DOCK8: variants seen among roughly 807,000 people sequenced by gnomAD.
DOCK8 encodes dedicator of cytokinesis protein 8.
In DOCK8, 141 loss-of-function variants were observed where a neutral mutation model predicts 245.6. The ratio of observed to expected loss-of-function variants is 0.57; its 90% CI spans 0.50 to 0.66. The LOEUF (loss-of-function observed/expected upper bound fraction) is 0.66, where lower values mean the gene tolerates loss of function less well. Ranked by LOEUF, DOCK8 falls within the 30% of genes least tolerant of loss-of-function variation. The pLI, the probability that DOCK8 is intolerant of heterozygous loss-of-function variation, is 0.00. For missense variants in DOCK8, 2,965 were observed against 2,603.4 expected (o/e 1.14, Z -3.02); for synonymous variants, 1,168 against 970.2 (o/e 1.20, Z -3.79).
At chr9:328,734 T>C (rs892889826) in intron 9 of DOCK8, among the ~76,000 whole-genome samples, 2 of 152,088 alleles carry the variant, frequency 1.3e-5, no homozygotes, top group East Asian at 1.9e-4. Flanking sequence ...CTTTTTTTTT[T>C]TTCTTCTTAC....
At chr9:364,935 T>C (rs1469559490) in intron 14 of DOCK8, among the ~76,000 whole-genome samples, 1 of 152,168 alleles carries the variant, frequency 6.6e-6, no homozygotes, top group Non-Finnish European at 1.5e-5. Flanking sequence ...ATATGACACA[T>C]GAGCTCAACC....
chr9:336,774 G>C, intron 12 of DOCK8, 56 bp downstream of exon 12: 1 of 1,604,460 alleles, frequency 6.2e-7, no homozygotes, highest in Non-Finnish European at 8.5e-7. Flanking sequence ...CATGGGCACT[G>C]GAACCCACAG....
chr9:256,937 C>G (rs1170981020), intron 1 of DOCK8, among the ~76,000 whole-genome samples: 1 of 152,178 alleles, frequency 6.6e-6, no homozygotes, highest in Non-Finnish European at 1.5e-5. Flanking sequence ...TTCTACTGTT[C>G]TCAACTAAGA....
At chr9:340,126 C>G in intron 13 of DOCK8, 33 bp from the exon 14 acceptor site, 1 of 1,609,268 alleles carries the variant, frequency 6.2e-7, no homozygotes. Flanking sequence ...ATGACAGTTT[C>G]TTTACTAGAA....
intron 1 of DOCK8, among the ~76,000 whole-genome samples, chr9:265,716 G>C (rs549509151): frequency 6.6e-6 from 1 of 152,272 alleles, no homozygotes; most frequent in East Asian, 1.9e-4. Flanking sequence ...AAAAGCCAGG[G>C]AGAAGCCTTC....
At chr9:406,131 T>G (rs1564024457) in intron 27 of DOCK8, among the ~76,000 whole-genome samples, 1 of 152,170 alleles carries the variant, frequency 6.6e-6, no homozygotes. Context: ...AATCTAATAC[T>G]TCCCTCCCTG....
chr9:346,041 G>A (rs1009347884), intron 14 of DOCK8, among the ~76,000 whole-genome samples: 5 of 152,142 alleles, frequency 3.3e-5, no homozygotes, highest in South Asian at 2.1e-4. Flanking sequence ...AGTGCCATGT[G>A]CAGCCTCTGT....
chr9:364,863 G>A (rs2052903591), intron 14 of DOCK8, among the ~76,000 whole-genome samples: 1 of 152,144 alleles, frequency 6.6e-6, no homozygotes, highest in African/African-American at 2.4e-5. Context: ...TTATGAAAGA[G>A]GGAGTGTGTG....
At chr9:339,609 G>A (rs932827132) in intron 13 of DOCK8, among the ~76,000 whole-genome samples, 1 of 152,158 alleles carries the variant, frequency 6.6e-6, no homozygotes, top group Non-Finnish European at 1.5e-5. Flanking sequence ...CTGCCTTCCA[G>A]GTTCAAGTGA....
At chr9:215,627 A>G (rs2046732863) in intron 1 of DOCK8, 1 of 491,352 alleles carries the variant, frequency 2.0e-6, no homozygotes, top group Non-Finnish European at 3.4e-6. Flanking sequence ...AAAAATCTAC[A>G]CTTAAATAAA....
At chr9:397,740 C>T (rs1054337747) in intron 25 of DOCK8, among the ~76,000 whole-genome samples, 1 of 152,068 alleles carries the variant, frequency 6.6e-6, no homozygotes, top group African/African-American at 2.4e-5. Context: ...AGGAAATACA[C>T]CTTGAAGTGT....
At chr9:295,235 A>G (rs371639502) in intron 4 of DOCK8, among the ~76,000 whole-genome samples, 2 of 152,132 alleles carry the variant, frequency 1.3e-5, no homozygotes, top group South Asian at 4.1e-4. Flanking sequence ...TCTGGAAAAG[A>G]TGAAGCTACA....
chr9:350,451 G>T (rs1346449419), intron 14 of DOCK8, among the ~76,000 whole-genome samples: 2 of 152,088 alleles, frequency 1.3e-5, no homozygotes, highest in African/African-American at 4.8e-5. Context: ...TAACTTAATG[G>T]CTGCTGAACT....
chr9:296,587 G>T (rs949746394), intron 4 of DOCK8, among the ~76,000 whole-genome samples: 1 of 152,156 alleles, frequency 6.6e-6, no homozygotes, highest in African/African-American at 2.4e-5. Flanking sequence ...TTTACTCCCA[G>T]TGAAGTGGTA....
Position 233,259 on chromosome 9 carries a change from A to G in DOCK8, c.53+18230A>G, listed in dbSNP as rs2047161480. ...TAGTTTGATTGCACTGTGGTCTGAG[A>G]GACAGTTTGTTATAATTTCTGTTCT... On this transcript the variant is annotated intron_variant, in intron 1 of 47. Transcript: ENST00000432829. 3.9e-5 allele frequency among the ~76,000 whole-genome samples: 6 copies of G among 151,910 alleles called. No homozygotes were observed. In the South Asian group the frequency reaches 1.2e-3, roughly 32 times the overall value.
At chr9:214,212 TCA>T (rs2046679008), upstream of DOCK8, 1 of 403,564 alleles carries the variant, frequency 2.5e-6, no homozygotes, top group South Asian at 2.7e-5. Context: ...TTAGCAGACC[TCA>T]GTCTGAAACT....
intron 28 of DOCK8, among the ~76,000 whole-genome samples, chr9:411,414 A>AAAT (rs56390475): frequency 2.8e-4 from 42 of 148,462 alleles, no homozygotes; most frequent in Non-Finnish European, 4.0e-4. Flanking sequence ...ACTCCATCAC[A>AAAT]AATAATAATA....
At chr9:348,978 T>A (rs150657630) in intron 14 of DOCK8, among the ~76,000 whole-genome samples, 161 of 152,346 alleles carry the variant, frequency 1.1e-3, no homozygotes, top group African/African-American at 3.8e-3. Context: ...CCTTAATGGA[T>A]GTCCTGTGGT....
At chr9:257,465 C>A (rs964154225) in intron 1 of DOCK8, among the ~76,000 whole-genome samples, 1 of 152,122 alleles carries the variant, frequency 6.6e-6, no homozygotes, top group African/African-American at 2.4e-5. Flanking sequence ...AAATGTAAGC[C>A]TGCAACAGAA....
Sources: gnomAD v4.1 joint callset for allele counts (sites outside exome capture counted in the v4.1 genomes callset) on GRCh38, gnomAD v4.1.1 for gene constraint, MANE v1.5 for transcripts, NCBI Gene and HGNC (gene_info 2026-07-23, HGNC 2026-07-21) for gene names.